The following GALNTL6 variants were observed in gnomAD, a reference collection of about 807,000 sequenced individuals.
The protein encoded by GALNTL6 is polypeptide N-acetylgalactosaminyltransferase like 6.
GALNTL6 carries 46 observed loss-of-function variants against 73.7 expected under a neutral mutation model. The observed-to-expected ratio is 0.62, with a 90% CI of 0.49 to 0.80. The LOEUF is 0.80. Ranked by LOEUF, GALNTL6 falls within the 30% of genes least tolerant of loss-of-function variation. GALNTL6 has a pLI of 0.00. For missense variants in GALNTL6, 604 were observed against 755.0 expected (o/e 0.80, Z 2.34); for synonymous variants, 259 against 263.7 (o/e 0.98, Z 0.17).
At chr4:172,725,275 A>G (rs1735728630) in intron 5 of GALNTL6, among the ~76,000 whole-genome samples, 1 of 152,208 alleles carries the variant, frequency 6.6e-6, no homozygotes, top group Non-Finnish European at 1.5e-5. Flanking sequence ...ACTGAATATT[A>G]CATAGTCCTA....
intron 2 of GALNTL6, among the ~76,000 whole-genome samples, chr4:171,826,928 T>C (rs2110815831): frequency 6.6e-6 from 1 of 152,188 alleles, no homozygotes; most frequent in Non-Finnish European, 1.5e-5. Flanking sequence ...ACCAGTATCC[T>C]TTACAGACTC....
chr4:172,523,822 T>A (rs1734862819), intron 5 of GALNTL6, among the ~76,000 whole-genome samples: 1 of 152,144 alleles, frequency 6.6e-6, no homozygotes, highest in Non-Finnish European at 1.5e-5. Flanking sequence ...TGCCTATCTT[T>A]AAAAAAATTG....
chr4:172,676,730 A>T (rs1361450513), intron 5 of GALNTL6, among the ~76,000 whole-genome samples: 45 of 152,160 alleles, frequency 3.0e-4, no homozygotes, highest in Non-Finnish European at 1.3e-4. Context: ...CATTTCACAC[A>T]TCTCATTTTT....
At chr4:172,238,793 G>C (rs753742986) in intron 3 of GALNTL6, among the ~76,000 whole-genome samples, 9 of 152,102 alleles carry the variant, frequency 5.9e-5, no homozygotes, top group Non-Finnish European at 1.2e-4. Context: ...CTAGTTTGTT[G>C]AGGGTTTTTA....
At chr4:172,431,273 A>G (rs909148146) in intron 5 of GALNTL6, among the ~76,000 whole-genome samples, 17 of 152,166 alleles carry the variant, frequency 1.1e-4, no homozygotes, top group Non-Finnish European at 5.9e-5. Flanking sequence ...ATGCATTCCA[A>G]TCAGAAATGT....
intron 5 of GALNTL6, among the ~76,000 whole-genome samples, chr4:172,396,760 G>C (rs965782212): frequency 1.3e-5 from 2 of 152,106 alleles, no homozygotes; most frequent in Non-Finnish European, 2.9e-5. Context: ...ATAATTGCAT[G>C]GATGCCACTT....
At chr4:172,436,830 A>G (rs114745301) in intron 5 of GALNTL6, among the ~76,000 whole-genome samples, 2 of 152,030 alleles carry the variant, frequency 1.3e-5, no homozygotes, top group Non-Finnish European at 1.5e-5. Context: ...TTCAACTTTA[A>G]CTAGTACTTA....
chr4:172,063,382 A>G (rs544913130), intron 2 of GALNTL6, among the ~76,000 whole-genome samples: 12 of 152,304 alleles, frequency 7.9e-5, no homozygotes, highest in Admixed American at 1.3e-4. Context: ...TCATTTAAAG[A>G]TGTTTATATT....
At chr4:172,182,062 C>G (rs916374731) in intron 2 of GALNTL6, among the ~76,000 whole-genome samples, 3 of 152,112 alleles carry the variant, frequency 2.0e-5, no homozygotes, top group Non-Finnish European at 2.9e-5. Flanking sequence ...TCAGCAAAGT[C>G]TCAGGATACA....
At chr4:172,333,739 C>T (rs1384140512) in intron 4 of GALNTL6, among the ~76,000 whole-genome samples, 3 of 152,128 alleles carry the variant, frequency 2.0e-5, no homozygotes, top group Admixed American at 6.5e-5. Context: ...CTTTTGAGGT[C>T]TTAGTCATAA....
At chr4:171,861,719 G>T (rs1001089913) in intron 2 of GALNTL6, among the ~76,000 whole-genome samples, 1 of 151,974 alleles carries the variant, frequency 6.6e-6, no homozygotes, top group Non-Finnish European at 1.5e-5. Flanking sequence ...AGGTATTTCT[G>T]TGTAAATCTA....
At chr4:173,024,002 T>C (rs1753124709) in intron 12 of GALNTL6, among the ~76,000 whole-genome samples, 1 of 152,220 alleles carries the variant, frequency 6.6e-6, no homozygotes, top group African/African-American at 2.4e-5. Flanking sequence ...AGAACATTTC[T>C]TATTACTGTA....
At chr4:172,254,124 T>G (rs960296995) in intron 3 of GALNTL6, among the ~76,000 whole-genome samples, 4 of 151,790 alleles carry the variant, frequency 2.6e-5, no homozygotes, top group African/African-American at 9.7e-5. Context: ...GAAATCAACA[T>G]TCTGCTAAAA....
chr4:172,986,790 G>A (rs1751308822), intron 10 of GALNTL6, among the ~76,000 whole-genome samples: 1 of 152,162 alleles, frequency 6.6e-6, no homozygotes, highest in African/African-American at 2.4e-5. Flanking sequence ...AACACTTTTA[G>A]TTACAGAGGA....
chr4:171,956,519 C>A (rs554595040), intron 2 of GALNTL6, among the ~76,000 whole-genome samples: 1 of 152,104 alleles, frequency 6.6e-6, no homozygotes, highest in South Asian at 2.1e-4. Flanking sequence ...GCTGCCAATA[C>A]GTTTAGCAAA....
chr4:172,566,915 C>T (rs1736574845), intron 5 of GALNTL6, among the ~76,000 whole-genome samples: 1 of 151,848 alleles, frequency 6.6e-6, no homozygotes, highest in Non-Finnish European at 1.5e-5. Context: ...TAAATATCTA[C>T]TTTTGGTGAT....
chr4:172,495,083 G>C (rs998530801), intron 5 of GALNTL6, among the ~76,000 whole-genome samples: 4 of 152,150 alleles, frequency 2.6e-5, no homozygotes, highest in Non-Finnish European at 4.4e-5. Flanking sequence ...GGAATCCTAG[G>C]AAAGGTAGCT....
intron 5 of GALNTL6, among the ~76,000 whole-genome samples, chr4:172,588,235 T>C (rs965303959): frequency 6.6e-6 from 1 of 152,174 alleles, no homozygotes; most frequent in Non-Finnish European, 1.5e-5. Context: ...TCTTAAATTA[T>C]AGCACACTTT....
intron 2 of GALNTL6, among the ~76,000 whole-genome samples, chr4:171,827,612 A>T (rs1734858450): frequency 6.6e-6 from 1 of 152,174 alleles, no homozygotes; most frequent in South Asian, 2.1e-4. Context: ...TAAAATCTAG[A>T]AACAGATATT....
Sources: allele counts gnomAD v4.1 joint callset (sites outside exome capture counted in the v4.1 genomes callset), GRCh38; gene constraint gnomAD v4.1.1; transcripts MANE v1.5; gene names NCBI Gene and HGNC (gene_info 2026-07-23, HGNC 2026-07-21).